RBFOX1: variants seen among roughly 807,000 people sequenced by gnomAD.
RBFOX1 encodes RNA binding protein fox-1 homolog 1.
RBFOX1 carries 8 observed loss-of-function variants against 57.7 expected under a neutral mutation model. That is an observed-to-expected ratio of 0.14 (90% CI 0.08 to 0.25). RBFOX1 has a LOEUF of 0.25. Among genes scored for constraint, RBFOX1 ranks in the 10% least tolerant of loss-of-function variants. The probability of loss-of-function intolerance (pLI) is 1.00; values close to 1 mark genes in which losing one functional copy is unlikely to be tolerated. For missense variants in RBFOX1, 611 were observed against 548.5 expected, an observed-to-expected ratio of 1.11 and a Z score of -1.14; for synonymous variants, 326 against 222.4, an observed-to-expected ratio of 1.47 and a Z score of -4.15.
chr16:5,347,887 C>A (rs2065177107), intron 1 of RBFOX1, among the ~76,000 whole-genome samples: 1 of 149,810 alleles, frequency 6.7e-6, no homozygotes, highest in African/African-American at 2.5e-5. Context: ...CTCACCCACC[C>A]ATTCATCCTC....
chr16:5,919,871 C>A (rs1426766449), intron 4 of RBFOX1, among the ~76,000 whole-genome samples: 1 of 152,040 alleles, frequency 6.6e-6, no homozygotes, highest in East Asian at 1.9e-4. Context: ...AGCCTGTGAC[C>A]CTTTCTCTCT....
In RBFOX1 at chr16:5,665,134, G is replaced by T. The variant is rs776034111; in HGVS notation, c.318+66173G>T. Among the ~76,000 whole-genome samples the T allele has an allele frequency of 4.0e-3, 567 of 141,198 alleles. 30 individuals are homozygous for T. The highest frequency in any genetic ancestry group is 0.013 in the African/African-American group (511 of 39,172). 92.6% of individuals were successfully genotyped at this position (141,198 alleles called of 152,430 possible). ...CTAACTTTTTGATATTTTTACATGG[G>T]GGGGGGCGGTCTTGCTATATTGCCC... On this transcript the variant is annotated intron_variant, in intron 3 of 19. Transcript: ENST00000641259.
intron 4 of RBFOX1, among the ~76,000 whole-genome samples, chr16:7,356,923 G>A (rs953456950): frequency 2.6e-5 from 4 of 152,162 alleles, no homozygotes; most frequent in African/African-American, 9.7e-5. Flanking sequence ...TGATGCAGGG[G>A]AAAGAAGATT....
intron 1 of RBFOX1, among the ~76,000 whole-genome samples, chr16:5,422,568 G>T (rs1325355429): frequency 1.2e-5 from 1 of 81,122 alleles, no homozygotes; most frequent in African/African-American, 5.0e-5. Context: ...GAAAGGGGAG[G>T]AGGAGGGGGA....
chr16:6,700,115 C>G (rs2061602972), intron 3 of RBFOX1, among the ~76,000 whole-genome samples: 1 of 152,012 alleles, frequency 6.6e-6, no homozygotes, highest in Non-Finnish European at 1.5e-5. Context: ...AGGTGGGTAC[C>G]TGGAAATTGT....
chr16:5,555,290 G>A (rs1446689540), intron 2 of RBFOX1, among the ~76,000 whole-genome samples: 2 of 152,054 alleles, frequency 1.3e-5, no homozygotes, highest in Non-Finnish European at 2.9e-5. Context: ...TCTCACTCTT[G>A]TTGCTCAGAT....
intron 4 of RBFOX1, among the ~76,000 whole-genome samples, chr16:5,984,976 A>ATATTTT (rs1359064334): frequency 5.4e-5 from 3 of 55,714 alleles, no homozygotes; most frequent in African/African-American, 1.7e-4. Context: ...ATATATATAT[A>ATATTTT]TTTTTTTTTT....
chr16:7,433,673 A>G (rs1344011502), intron 4 of RBFOX1, among the ~76,000 whole-genome samples: 1 of 152,178 alleles, frequency 6.6e-6, no homozygotes, highest in African/African-American at 2.4e-5. Context: ...CAGAGATAGA[A>G]AAATTCATCC....
intron 4 of RBFOX1, among the ~76,000 whole-genome samples, chr16:7,298,547 C>T (rs989329298): frequency 6.6e-6 from 1 of 152,044 alleles, no homozygotes; most frequent in Non-Finnish European, 1.5e-5. Context: ...TCGCCTTGGC[C>T]TCCCAAAGTG....
intron 14 of RBFOX1, among the ~76,000 whole-genome samples, chr16:7,693,106 C>T (rs925335955): frequency 4.6e-5 from 7 of 152,078 alleles, no homozygotes; most frequent in African/African-American, 1.2e-4. Context: ...GTACATAGTT[C>T]GTATTCTGAC....
intron 5 of RBFOX1, among the ~76,000 whole-genome samples, chr16:7,551,421 G>A (rs1438541496): frequency 6.6e-6 from 1 of 152,118 alleles, no homozygotes; most frequent in South Asian, 2.1e-4. Context: ...GACAAGGGGT[G>A]GGGGCCCAAA....
chr16:7,102,384 A>C (rs2062846860), intron 4 of RBFOX1, among the ~76,000 whole-genome samples: 2 of 152,194 alleles, frequency 1.3e-5, no homozygotes, highest in Admixed American at 1.3e-4. Context: ...TCTTTAGTGA[A>C]GTGTTAAATA....
In RBFOX1 at chr16:7,457,076, G is replaced by A. The variant is rs146494596; in HGVS notation, c.28-61071G>A. Among the ~76,000 whole-genome samples the A allele has an allele frequency of 2.3e-4, 35 of 152,016 alleles. 1 individual carries two copies. The East Asian group carries it at 6.8e-3, about 30-fold the overall frequency. On this transcript the variant is annotated intron_variant, in intron 4 of 15. Transcript: ENST00000550418. ...CTAATTTTGTATTTTTAGTAGAGAC[G>A]GGGTTTCTCCGTGTTGGTCAGGCTG... is the stretch of plus-strand genomic sequence containing the variant.
intron 4 of RBFOX1, among the ~76,000 whole-genome samples, chr16:5,940,420 A>G (rs1390044675): frequency 2.0e-5 from 3 of 152,186 alleles, no homozygotes. Flanking sequence ...GCAAAAGGGA[A>G]TCTAGGCACT....
chr16:7,200,712 C>T (rs571657598), intron 4 of RBFOX1, among the ~76,000 whole-genome samples: 12 of 152,278 alleles, frequency 7.9e-5, no homozygotes, highest in African/African-American at 1.9e-4. Context: ...CTGTGTTCCT[C>T]GGCTTAGCAG....
intron 3 of RBFOX1, among the ~76,000 whole-genome samples, chr16:6,717,913 G>A (rs1340996748): frequency 6.6e-6 from 1 of 152,164 alleles, no homozygotes; most frequent in East Asian, 1.9e-4. Flanking sequence ...ATCCTATACT[G>A]GGATAAAGCT....
intron 3 of RBFOX1, among the ~76,000 whole-genome samples, chr16:5,839,690 C>T (rs1351963506): frequency 4.6e-5 from 7 of 151,782 alleles, no homozygotes; most frequent in Non-Finnish European, 1.0e-4. Context: ...TCACCATCCT[C>T]ATCCACATAT....
chr16:5,672,018 G>A (rs967213784), intron 3 of RBFOX1, among the ~76,000 whole-genome samples: 1 of 152,142 alleles, frequency 6.6e-6, no homozygotes, highest in African/African-American at 2.4e-5. Context: ...TTAAATGGGT[G>A]GAGAGATTTG....
chr16:6,650,064 A>G (rs1007415593), intron 2 of RBFOX1, among the ~76,000 whole-genome samples: 1 of 152,118 alleles, frequency 6.6e-6, no homozygotes. Context: ...TACGGATTTC[A>G]TTTCCTTTGA....
Sources: gnomAD v4.1 joint callset for allele counts (sites outside exome capture counted in the v4.1 genomes callset) on GRCh38, gnomAD v4.1.1 for gene constraint, MANE v1.5 for transcripts, NCBI Gene and HGNC (gene_info 2026-07-23, HGNC 2026-07-21) for gene names.